The following UPP2 variants were observed in gnomAD, a reference collection of about 807,000 sequenced individuals.
UPP2 encodes the protein UPase 2.
In UPP2, 23 loss-of-function variants were observed where a neutral mutation model predicts 26.7. That is an observed-to-expected ratio of 0.86 (90% confidence interval 0.62 to 1.22). The LOEUF is 1.22. Among genes scored for constraint, UPP2 ranks in the 50% most tolerant of loss-of-function variants. UPP2 has a pLI of 0.00. For synonymous variants in UPP2, 127 were observed against 141.3 expected, an observed-to-expected ratio of 0.90 and a Z score of 0.72; for missense variants, 387 against 396.7, an observed-to-expected ratio of 0.98 and a Z score of 0.21.
intron 3 of UPP2, among the ~76,000 whole-genome samples, chr2:158,053,844 T>C (rs1209687468): frequency 1.3e-5 from 2 of 152,172 alleles, no homozygotes; most frequent in Non-Finnish European, 2.9e-5. Flanking sequence ...TAGGCCTTCT[T>C]AATTGGAAAA....
chr2:158,051,713 G>A (rs1316878463), intron 3 of UPP2, among the ~76,000 whole-genome samples: 3 of 152,002 alleles, frequency 2.0e-5, no homozygotes, highest in Admixed American at 6.6e-5. Context: ...CCCAGGAGGC[G>A]GAGGTTGCAG....
At chr2:158,093,934 C>T (rs72940865) in intron 3 of UPP2, among the ~76,000 whole-genome samples, 1 of 150,124 alleles carries the variant, frequency 6.7e-6, no homozygotes, top group Admixed American at 6.7e-5. Flanking sequence ...CATAAAAAAG[C>T]CAGTTTTAAA....
At chr2:158,095,709 C>T (rs75304813) in intron 3 of UPP2, among the ~76,000 whole-genome samples, 1,790 of 152,102 alleles carry the variant, frequency 0.012, 34 homozygotes, top group African/African-American at 0.039. Context: ...AAATGAGATA[C>T]GGAGTCGAAC....
chr2:158,094,782 G>C (rs1334135629), intron 3 of UPP2, among the ~76,000 whole-genome samples: 3 of 152,142 alleles, frequency 2.0e-5, no homozygotes, highest in African/African-American at 7.2e-5. Flanking sequence ...ATAATCTGTG[G>C]TGTGTGTTAG....
At chr2:158,115,965 C>A (rs951247880) in intron 3 of UPP2, among the ~76,000 whole-genome samples, 7 of 152,194 alleles carry the variant, frequency 4.6e-5, no homozygotes, top group Admixed American at 4.6e-4. Context: ...TCAAAAGAGG[C>A]ACAGGCAGGC....
chr2:158,071,457 A>T (rs577939064), intron 3 of UPP2, among the ~76,000 whole-genome samples: 28 of 148,952 alleles, frequency 1.9e-4, no homozygotes, highest in African/African-American at 6.1e-4. Context: ...AGGCTGAGGC[A>T]GGAGAATTGC....
chr2:158,114,550 T>C (rs1407021277), intron 2 of UPP2, among the ~76,000 whole-genome samples: 2 of 152,222 alleles, frequency 1.3e-5, no homozygotes, highest in East Asian at 1.9e-4. Context: ...TTTACAATAA[T>C]AAGGCTTGTT....
At chr2:158,087,186 ATGT>A (rs779721842) in intron 3 of UPP2, among the ~76,000 whole-genome samples, 2 of 152,152 alleles carry the variant, frequency 1.3e-5, no homozygotes, top group Admixed American at 6.5e-5. Flanking sequence ...AGGTGCATAT[ATGT>A]TTAGGATTGT....
chr2:158,124,400 G>A (rs1251651368), intron 6 of UPP2, among the ~76,000 whole-genome samples: 2 of 152,102 alleles, frequency 1.3e-5, no homozygotes, highest in Non-Finnish European at 2.9e-5. Context: ...GGAGGGGAGA[G>A]GCAGTGGTGG....
At chr2:158,007,033 C>G (rs1683502172) in intron 2 of UPP2, among the ~76,000 whole-genome samples, 2 of 152,158 alleles carry the variant, frequency 1.3e-5, no homozygotes, top group Non-Finnish European at 2.9e-5. Context: ...GACTTTGACT[C>G]TGTGAGGTAC....
intron 6 of UPP2, among the ~76,000 whole-genome samples, chr2:158,124,177 T>C (rs6437137): frequency 0.49 from 74,043 of 152,022 alleles, 18,857 homozygotes; most frequent in Non-Finnish European, 0.56. Flanking sequence ...TGGTGGCTAG[T>C]AGTTTCTATT....
At chr2:158,032,412 G>C (rs1426182604) in intron 3 of UPP2, among the ~76,000 whole-genome samples, 1 of 152,048 alleles carries the variant, frequency 6.6e-6, no homozygotes, top group Admixed American at 6.6e-5. Context: ...ATATGACAAA[G>C]AGCTTACCTC....
chr2:158,042,419 C>A (rs569350566), intron 3 of UPP2, among the ~76,000 whole-genome samples: 1 of 152,272 alleles, frequency 6.6e-6, no homozygotes, highest in African/African-American at 2.4e-5. Context: ...AGATGCCGCC[C>A]TTCCCCCATC....
At position 157,995,260 on chromosome 2, in the gene UPP2, G is replaced by T. The variant is rs1325872506; in HGVS notation, c.61+1G>T. 1.2e-6 allele frequency: 2 copies of T among 1,613,632 alleles called. No homozygotes were observed. The highest frequency in any genetic ancestry group is 4.5e-5 in the East Asian group (2 of 44,880). On this transcript the variant is annotated splice_donor_variant, in intron 2 of 9. Coordinates refer to the UPP2 transcript ENST00000605860. LOFTEE classifies it high-confidence loss of function. ...GAAGTGGTGAGGACAAGGCCTGAAGGTTAGTGAGGGAAGAGGAGAAATACA... is the reference window on the plus strand; with the variant it reads ...GAAGTGGTGAGGACAAGGCCTGAAGTTTAGTGAGGGAAGAGGAGAAATACA...
chr2:158,134,671 G>A, intron 6 of UPP2, 77 bp from the exon 7 acceptor site: 1 of 1,457,202 alleles, frequency 6.9e-7, no homozygotes, highest in Non-Finnish European at 9.1e-7. Flanking sequence ...TGCTAGGGAT[G>A]CTGGTGTGTT....
chr2:158,040,237 A>C (rs1684065661), intron 3 of UPP2, among the ~76,000 whole-genome samples: 1 of 152,214 alleles, frequency 6.6e-6, no homozygotes, highest in Admixed American at 6.5e-5. Flanking sequence ...CTATGGAAAG[A>C]TAATTGGATT....
intron 6 of UPP2, among the ~76,000 whole-genome samples, chr2:158,127,462 G>GA (rs147991501): frequency 0.075 from 10,925 of 145,466 alleles, 438 homozygotes; most frequent in African/African-American, 0.1. Flanking sequence ...GTGAGTGAAT[G>GA]AAAAAAAAAA....
At chr2:158,008,580 GACTTTCTAAAGC>G (rs1683529288) in intron 2 of UPP2, among the ~76,000 whole-genome samples, 1 of 152,174 alleles carries the variant, frequency 6.6e-6, no homozygotes, top group Non-Finnish European at 1.5e-5. Flanking sequence ...TAAAGCTAAT[GACTTTCTAAAGC>G]ACTTGACTTT....
chr2:158,046,031 C>G (rs1346314075), intron 3 of UPP2, among the ~76,000 whole-genome samples: 1 of 152,132 alleles, frequency 6.6e-6, no homozygotes, highest in African/African-American at 2.4e-5. Flanking sequence ...CCCCAGACAT[C>G]ACATTGACAG....
Sources: allele counts gnomAD v4.1 joint callset (sites outside exome capture counted in the v4.1 genomes callset), GRCh38; gene constraint gnomAD v4.1.1; transcripts MANE v1.5; gene names NCBI Gene and HGNC (gene_info 2026-07-23, HGNC 2026-07-21).